The following GLDC variants were observed in gnomAD, a reference collection of about 807,000 sequenced individuals.
GLDC encodes the protein glycine decarboxylase, also known as glycine dehydrogenase (decarboxylating), mitochondrial.
A neutral mutation model predicts 121.3 loss-of-function variants in GLDC; 104 were observed. That is an observed-to-expected ratio of 0.86 (90% CI 0.73 to 1.01). The LOEUF (loss-of-function observed/expected upper bound fraction) is 1.01, where lower values mean the gene tolerates loss of function less well. Ranked by LOEUF, GLDC falls within the 50% of genes least tolerant of loss-of-function variation. The pLI, the probability that GLDC is intolerant of heterozygous loss-of-function variation, is 0.00. For synonymous variants in GLDC, 546 were observed against 480.6 expected (o/e 1.14, Z -1.78); for missense variants, 1,429 against 1,306.6 (o/e 1.09, Z -1.44).
At chr9:6,547,640 CA>C (rs936855032) in intron 21 of GLDC, among the ~76,000 whole-genome samples, 2 of 151,728 alleles carry the variant, frequency 1.3e-5, no homozygotes, top group East Asian at 3.9e-4. Context: ...AGGAAATTAT[CA>C]GGCAAAATTC....
chr9:6,557,578 G>C (rs1023722535), intron 17 of GLDC: 1 of 151,366 alleles, frequency 6.6e-6, no homozygotes, highest in Non-Finnish European at 1.5e-5. Flanking sequence ...TGGGCGACAG[G>C]GTGAGACTCC....
intron 2 of GLDC, among the ~76,000 whole-genome samples, chr9:6,640,771 C>T (rs1470825410): frequency 6.6e-6 from 1 of 152,194 alleles, no homozygotes; most frequent in Non-Finnish European, 1.5e-5. Context: ...CACAGCGAGG[C>T]ATACCATAGC....
intron 4 of GLDC, among the ~76,000 whole-genome samples, chr9:6,609,507 A>G (rs998804639): frequency 3.3e-5 from 5 of 151,992 alleles, no homozygotes; most frequent in African/African-American, 1.2e-4. Flanking sequence ...CTTTACACTC[A>G]GCTATGCTGC....
chr9:6,565,741 A>G (rs765154597), intron 15 of GLDC: 37 of 571,770 alleles, frequency 6.5e-5, no homozygotes, highest in Non-Finnish European at 9.9e-5. Context: ...TTTCAAAACT[A>G]TACCAAAATA....
chr9:6,554,289 A>G (rs1348997215), intron 19 of GLDC, among the ~76,000 whole-genome samples: 1 of 152,160 alleles, frequency 6.6e-6, no homozygotes, highest in Non-Finnish European at 1.5e-5. Flanking sequence ...TGGAACCATT[A>G]GCTGATTTTA....
chr9:6,602,498 T>G (rs1818636571), intron 7 of GLDC, among the ~76,000 whole-genome samples: 1 of 151,790 alleles, frequency 6.6e-6, no homozygotes. Flanking sequence ...TGCATCAGCC[T>G]CCTGACACCA....
rs1199803744 is a variant in GLDC, at chr9:6,604,803, A to G, written c.862-19T>C. On this transcript the variant is annotated intron_variant, in intron 6 of 24. Coordinates refer to ENST00000321612, the MANE Select transcript of GLDC (RefSeq NM_000170.3). The stretch of plus-strand genomic sequence containing the variant: ...CCAGGCTCTAGAAAGGAAGTGAGAG[A>G]AAAGGAACAAGGTTGCTACCTTTCC... 1 of 1,602,608 alleles carries G rather than the reference A, an allele frequency of 6.2e-7. No homozygotes were observed. Among genetic ancestry groups the G allele is most frequent in the Admixed American group, 1.7e-5 (1 of 60,012 alleles).
intron 4 of GLDC, among the ~76,000 whole-genome samples, chr9:6,607,863 C>T (rs1481780441): frequency 6.6e-6 from 1 of 152,016 alleles, no homozygotes; most frequent in East Asian, 2.0e-4. Flanking sequence ...TGGCTCACGC[C>T]TGTAATCCTT....
intron 22 of GLDC, among the ~76,000 whole-genome samples, chr9:6,537,237 CCGGGCT>C (rs1817147401): frequency 2.0e-5 from 3 of 152,058 alleles, no homozygotes; most frequent in Non-Finnish European, 4.4e-5. Flanking sequence ...ACCATGTTGT[CCGGGCT>C]ACCGAGCTCA....
chr9:6,565,399 G>A lies in GLDC; in HGVS notation c.1881C>T (p.Ala627=). The A allele has an allele frequency of 6.2e-7, 1 of 1,613,756 alleles. No individual in the cohort carries two copies. The highest frequency in any genetic ancestry group is 8.5e-7 in the Non-Finnish European group (1 of 1,179,662). ...TCTGGTTTAAGTAGGCTCGGATAGT[G>A]GCCAGTCCAGCATATTCTCCCTGGG... ...SGAQGEYAGL[A]TIRAYLNQKG... The change falls in exon 16 of 25, where the codon GCC becomes GCT. Residue 627 remains alanine, a synonymous_variant. Transcript: ENST00000321612.
rs546419370 is a variant in GLDC at position 6,617,720 on chromosome 9, T to C, written c.470+2464A>G. Among the ~76,000 whole-genome samples, 5 of 152,304 alleles carry C rather than the reference T, an allele frequency of 3.3e-5. No homozygotes were observed. The East Asian group carries it at 7.7e-4, about 23-fold the overall frequency. On this transcript the variant is annotated intron_variant, in intron 3 of 24. Coordinates refer to ENST00000321612, the MANE Select transcript of GLDC (RefSeq NM_000170.3). Reference sequence around the variant, plus strand: ...GTGCTGAGAGATCTGGCTCCTATAATGATATGATAAAAATAATTGCATCTA... The same window carrying C: ...GTGCTGAGAGATCTGGCTCCTATAACGATATGATAAAAATAATTGCATCTA...
intron 7 of GLDC, among the ~76,000 whole-genome samples, chr9:6,602,407 C>T (rs1818634676): frequency 6.9e-6 from 1 of 145,014 alleles, no homozygotes; most frequent in Admixed American, 7.0e-5. Flanking sequence ...GACGGAGTTT[C>T]GCTCTTTCGC....
At chr9:6,600,332 G>A (rs1818579637) in intron 8 of GLDC, among the ~76,000 whole-genome samples, 2 of 151,128 alleles carry the variant, frequency 1.3e-5, no homozygotes, top group African/African-American at 2.4e-5. Flanking sequence ...CTATGGCCAT[G>A]CCACTGCACT....
At chr9:6,610,439 C>A (rs899037508) in intron 3 of GLDC, 83 bp from the exon 4 acceptor site, 58 of 1,374,554 alleles carry the variant, frequency 4.2e-5, no homozygotes, top group Non-Finnish European at 5.6e-5. Context: ...GAATTCAGTA[C>A]CTGAAAATAA....
chr9:6,632,029 C>A (rs1005918844), intron 2 of GLDC, among the ~76,000 whole-genome samples: 4 of 152,312 alleles, frequency 2.6e-5, no homozygotes, highest in Admixed American at 6.5e-5. Flanking sequence ...GATCATGCCA[C>A]TGCAGTCCAA....
Position 6,589,102 on chromosome 9 carries a change from G to C in GLDC, c.1580+93C>G, listed in dbSNP as rs1563849645. 1.8e-5 allele frequency: 15 copies of C among 828,076 alleles called. No homozygotes were observed. In the South Asian group the frequency reaches 2.0e-4, roughly 11 times the overall value. The allele number at this position is 828,076 out of a possible 1,614,324, so 51.3% of individuals were successfully genotyped here. A position where few individuals can be genotyped will look rare whatever the true frequency, so the allele number is the denominator to read the frequency against. On this transcript the variant is annotated intron_variant, in intron 12 of 24. Transcript: ENST00000321612. The stretch of plus-strand genomic sequence containing the variant: ...GCCACGGCTGAGCCAGAATAACCAG[G>C]CCACAGCAGGCGAAATCAGCAGCAG...
chr9:6,533,159 G>A lies in GLDC; in HGVS notation c.2921C>T (p.Pro974Leu), dbSNP rs1817037176. The A allele has an allele frequency of 6.2e-7, 1 of 1,613,404 alleles. No individual in the cohort carries two copies. The highest frequency in any genetic ancestry group is 8.5e-7 in the Non-Finnish European group (1 of 1,179,518). The change falls in exon 25 of 25, where the codon CCC becomes CTC. Residue 974 changes from proline (P) to leucine (L), a missense_variant and splice_region_variant. Coordinates refer to ENST00000321612, the MANE Select transcript of GLDC (RefSeq NM_000170.3). ...GAATTTGTTCTCTGGTTTCACGAAG[G>A]GCTGCAAAGGACAAAAGATGGAAAT... ...YSREVAAFPLPFVKPENKFWP... is the reference protein window; with the variant it reads ...YSREVAAFPLLFVKPENKFWP...
intron 3 of GLDC, among the ~76,000 whole-genome samples, chr9:6,618,717 C>G (rs1308389609): frequency 6.6e-6 from 1 of 152,108 alleles, no homozygotes; most frequent in Non-Finnish European, 1.5e-5. Context: ...CAGTGTTGTT[C>G]TATCAGTGAG....
chr9:6,620,215 T>C lies in GLDC; in HGVS notation c.439A>G (p.Ile147Val), dbSNP rs768963382. Residue 147 changes from isoleucine (I) to valine (V), a missense_variant, in exon 3 of 25, where the codon ATT becomes GTT. By Grantham distance (29) the Ile-to-Val change is conservative. Transcript: ENST00000321612. ...GAGTTCTCCAGTAAGTTCCGCAAAA[T>C]CGTCTGTGGCACTGAGCAGTTATAA... Reference protein sequence around the residue: ...GYYNCSVPQTILRNLLENSGW... With the variant: ...GYYNCSVPQTVLRNLLENSGW... 6.8e-6 allele frequency: 11 copies of C among 1,613,450 alleles called. No individual in the cohort carries two copies. The highest frequency in any genetic ancestry group is 9.3e-6 in the Non-Finnish European group (11 of 1,179,912).
Sources: allele counts gnomAD v4.1 joint callset (sites outside exome capture counted in the v4.1 genomes callset), GRCh38; gene constraint gnomAD v4.1.1; transcripts MANE v1.5; gene names NCBI Gene and HGNC (gene_info 2026-07-23, HGNC 2026-07-21).